The following UAP1 variants were observed in gnomAD, a reference collection of about 807,000 sequenced individuals.
UAP1 encodes the protein UDP-N-acetylhexosamine pyrophosphorylase.
UAP1 carries 25 observed loss-of-function variants against 58.5 expected under a neutral mutation model. The observed-to-expected ratio is 0.43, with a 90% CI of 0.31 to 0.60. The LOEUF is 0.60. Ranked by LOEUF, UAP1 falls within the 20% of genes least tolerant of loss-of-function variation. UAP1 has a pLI of 0.11. For synonymous variants in UAP1, 208 were observed against 213.0 expected, an observed-to-expected ratio of 0.98 and a Z score of 0.21; for missense variants, 575 against 630.0, an observed-to-expected ratio of 0.91 and a Z score of 0.93.
intron 4 of UAP1, among the ~76,000 whole-genome samples, chr1:162,580,804 T>A (rs1301257301): frequency 6.6e-6 from 1 of 152,222 alleles, no homozygotes; most frequent in Non-Finnish European, 1.5e-5. Context: ...ATATCTCGTT[T>A]AAATCACCTT....
chr1:162,583,344 G>A (rs1226768876), intron 5 of UAP1, among the ~76,000 whole-genome samples: 4 of 151,472 alleles, frequency 2.6e-5, no homozygotes, highest in African/African-American at 9.7e-5. Context: ...TAGTACAGAC[G>A]GGGTTTCACT....
intron 2 of UAP1, among the ~76,000 whole-genome samples, chr1:162,572,966 T>C (rs1185092888): frequency 6.6e-6 from 1 of 152,220 alleles, no homozygotes; most frequent in African/African-American, 2.4e-5. Flanking sequence ...TGTGGACTCA[T>C]ATTTTAAAAC....
At chr1:162,561,657 G>GCCCGC (rs1312067069) in exon 1 of UAP1, 2 of 152,006 alleles carry the variant, frequency 1.3e-5, no homozygotes, top group African/African-American at 2.4e-5. Flanking sequence ...CCCGCTCCCG[G>GCCCGC]CCCGCCCCGC....
chr1:162,590,123 A>AG (rs58632597), intron 7 of UAP1, among the ~76,000 whole-genome samples, 200 bp from the exon 8 acceptor site: 1 of 149,986 alleles, frequency 6.7e-6, no homozygotes, highest in Non-Finnish European at 1.5e-5. Context: ...TCTATAGTTG[A>AG]GGGGGGAAAT....
intron 2 of UAP1, among the ~76,000 whole-genome samples, chr1:162,568,126 T>C (rs1653635130): frequency 6.6e-6 from 1 of 152,220 alleles, no homozygotes; most frequent in Admixed American, 6.5e-5. Context: ...ATTTCATAGA[T>C]GTGTAGTAAT....
intron 7 of UAP1, among the ~76,000 whole-genome samples, chr1:162,589,171 A>AT (rs1655120861): frequency 9.8e-6 from 1 of 101,756 alleles, no homozygotes; most frequent in Non-Finnish European, 1.8e-5. Context: ...TATAATATAT[A>AT]AATATTATAT....
Position 162,587,688 on chromosome 1 carries a change from C to T in UAP1, c.1028+20C>T, listed in dbSNP as rs761053312. 6.3e-7 allele frequency: 1 copy of T among 1,595,120 alleles called. No homozygotes were observed. On this transcript the variant is annotated intron_variant, in intron 6 of 10. Transcript: ENST00000271469. ...TGTCAAGTATGGGCAAGATGGGGGC[C>T]TTTTAAAATTATATTTATTGTTAAT...
chr1:162,599,199 A>G (rs1375828145), intron 10 of UAP1, 72 bp from the exon 11 acceptor site: 2 of 924,014 alleles, frequency 2.2e-6, no homozygotes, highest in African/African-American at 3.3e-5. Context: ...TTAAATCATC[A>G]TTATAGCAAG....
At chr1:162,575,712 G>GTTT (rs11382055) in intron 2 of UAP1, among the ~76,000 whole-genome samples, 8 of 123,672 alleles carry the variant, frequency 6.5e-5, no homozygotes, top group African/African-American at 2.3e-4. Flanking sequence ...TTTGTATTTT[G>GTTT]TTTTTTTTTT....
rs777682165 is a variant in UAP1, at chr1:162,566,268, C to T, written c.200C>T (p.Ala67Val). ...TCTTCTCACCAAAAGAATGTGGATG[C>T]ACGAATGGAACCTGTGCCTCGAGAG... is the stretch of plus-strand genomic sequence containing the variant. Residue 67 changes from alanine to valine, a missense_variant, in exon 2 of 11, where the codon GCA becomes GTA. By Grantham distance (64) the Ala-to-Val change is moderately conservative. Coordinates refer to ENST00000271469, the Ensembl canonical transcript of UAP1. The T allele has an allele frequency of 1.2e-5, 20 of 1,614,028 alleles. No individual in the cohort carries two copies. The Admixed American group carries it at 3.3e-4, about 27-fold the overall frequency.
intron 4 of UAP1, 56 bp from the exon 5 acceptor site, chr1:162,581,229 TTG>T: frequency 1.3e-6 from 2 of 1,516,776 alleles, no homozygotes; most frequent in South Asian, 2.6e-5. Flanking sequence ...GAAACAATCT[TTG>T]TGTTACCTTT....
chr1:162,573,407 T>C (rs1284510714), intron 2 of UAP1, among the ~76,000 whole-genome samples: 1 of 152,170 alleles, frequency 6.6e-6, no homozygotes, highest in East Asian at 1.9e-4. Flanking sequence ...GAGTTCATTA[T>C]CTCTAAAGTG....
At chr1:162,576,652 C>T (rs940005056) in intron 2 of UAP1, 125 bp from the exon 3 acceptor site, 2 of 868,682 alleles carry the variant, frequency 2.3e-6, no homozygotes, top group South Asian at 3.6e-5. Context: ...CAGCAAATGG[C>T]CTCAGGACAA....
intron 7 of UAP1, among the ~76,000 whole-genome samples, chr1:162,589,172 AATATTAT>A (rs1655122154): frequency 1.0e-5 from 1 of 98,482 alleles, no homozygotes; most frequent in South Asian, 2.6e-4. Context: ...ATAATATATA[AATATTAT>A]ATATAATATA....
chr1:162,596,180 AT>A (rs1655608357), intron 9 of UAP1, among the ~76,000 whole-genome samples: 1 of 149,846 alleles, frequency 6.7e-6, no homozygotes, highest in Non-Finnish European at 1.5e-5. Context: ...TAATTAATGT[AT>A]TTATTTATTT....
chr1:162,589,924 T>C (rs1003594046), intron 7 of UAP1, among the ~76,000 whole-genome samples: 22 of 152,240 alleles, frequency 1.4e-4, no homozygotes, highest in African/African-American at 5.3e-4. Flanking sequence ...TGAGCTGAGA[T>C]TGTGCCACTG....
rs143858855 is a variant in UAP1 at position 162,584,586 on chromosome 1, G to T, written c.835-2889G>T. 2.0e-3 allele frequency among the ~76,000 whole-genome samples: 304 copies of T among 152,270 alleles called. 5 individuals are homozygous for T. The East Asian group carries it at 0.049, about 25-fold the overall frequency. ...CAGCCTCGACCTCCTGGGTTCAGGT[G>T]ATCCTCTCACCTCAGCCTCCTGAGT... On this transcript the variant is annotated intron_variant, in intron 5 of 10. Coordinates refer to ENST00000271469, the Ensembl canonical transcript of UAP1.
At chr1:162,577,435 C>CGT (rs779214500) in intron 3 of UAP1, among the ~76,000 whole-genome samples, 1 of 95,212 alleles carries the variant, frequency 1.1e-5, no homozygotes, top group African/African-American at 4.8e-5. Flanking sequence ...AGTTCCTTCC[C>CGT]TTTTTTTTTT....
chr1:162,594,349 A>C (rs748389435), intron 9 of UAP1, among the ~76,000 whole-genome samples: 1 of 152,176 alleles, frequency 6.6e-6, no homozygotes, highest in South Asian at 2.1e-4. Context: ...TGTTGCGGCC[A>C]CTGATCTGAC....
Sources: allele counts gnomAD v4.1 joint callset (sites outside exome capture counted in the v4.1 genomes callset), GRCh38; gene constraint gnomAD v4.1.1; transcripts MANE v1.5; gene names NCBI Gene and HGNC (gene_info 2026-07-23, HGNC 2026-07-21).